The following PHLDB3 variants were observed in gnomAD, a reference collection of about 807,000 sequenced individuals.
PHLDB3 encodes pleckstrin homology-like domain family B member 3.
Under a neutral mutation model 85.7 loss-of-function variants are expected in PHLDB3, and 86 were observed. The ratio of observed to expected loss-of-function variants is 1.00; its 90% CI spans 0.84 to 1.20. The LOEUF is 1.20. PHLDB3 is among the 50% of genes most tolerant of loss of function. PHLDB3 has a pLI of 0.00. For synonymous variants in PHLDB3, 376 were observed against 349.8 expected, an observed-to-expected ratio of 1.07 and a Z score of -0.83; for missense variants, 995 against 873.0, an observed-to-expected ratio of 1.14 and a Z score of -1.76.
intron 15 of PHLDB3, 60 bp from the exon 16 acceptor site, chr19:43,475,604 C>T (rs1016284340): frequency 6.2e-6 from 10 of 1,601,940 alleles, no homozygotes; most frequent in African/African-American, 2.7e-5. Flanking sequence ...AGTCTGGGTG[C>T]GAACCCAGCC....
In PHLDB3 at chr19:43,494,765, G is replaced by A. The variant is rs780745027; in HGVS notation, c.1086C>T (p.Ala362=). ...TAGGGGTGGCAGCGGAGTGGGCCAC[G>A]GCATCCTGGAGCACCAGCAGCTGGC... is the stretch of plus-strand genomic sequence containing the variant. The part of the protein sequence containing the change: ...TDRQLLVLQD[A]VAHSAATPTS... Residue 362 remains alanine, a synonymous_variant, in exon 9 of 16, where the codon GCC becomes GCT. Transcript: ENST00000292140. The A allele has an allele frequency of 9.3e-6, 15 of 1,613,260 alleles. No individual in the cohort carries two copies. The highest frequency in any genetic ancestry group is 4.5e-5 in the East Asian group (2 of 44,892).
intron 9 of PHLDB3, among the ~76,000 whole-genome samples, chr19:43,494,155 C>G (rs1568480903): frequency 1.3e-5 from 2 of 151,984 alleles, no homozygotes; most frequent in Admixed American, 1.3e-4. Context: ...TGCCTCAGCC[C>G]TGCATCACCA....
At chr19:43,493,442 C>G (rs1427984699) in intron 9 of PHLDB3, among the ~76,000 whole-genome samples, 1 of 152,008 alleles carries the variant, frequency 6.6e-6, no homozygotes, top group Non-Finnish European at 1.5e-5. Context: ...TCAAGACCAG[C>G]TTGGGCAAAA....
chr19:43,490,179 T>A (rs1057329194), intron 9 of PHLDB3, among the ~76,000 whole-genome samples: 1 of 151,802 alleles, frequency 6.6e-6, no homozygotes, highest in Non-Finnish European at 1.5e-5. Flanking sequence ...CTGAAATCGA[T>A]CATTGAACTG....
At chr19:43,476,751 G>C (rs1413238263) in intron 15 of PHLDB3, among the ~76,000 whole-genome samples, 1 of 152,098 alleles carries the variant, frequency 6.6e-6, no homozygotes, top group Non-Finnish European at 1.5e-5. Context: ...CAACCTAATT[G>C]CTAAAAAGCC....
chr19:43,502,381 A>G (rs1377202125), intron 2 of PHLDB3, 98 bp from the exon 3 acceptor site: 1 of 1,139,386 alleles, frequency 8.8e-7, no homozygotes, highest in African/African-American at 1.6e-5. Flanking sequence ...TGCGGGTCTC[A>G]GTCCATCAGT....
At chr19:43,500,909 A>ACCCCCCTCCCCCCCCCCCCCCC (rs1971574473) in intron 4 of PHLDB3, among the ~76,000 whole-genome samples, 1 of 17,152 alleles carries the variant, frequency 5.8e-5, no homozygotes, top group Non-Finnish European at 1.3e-4. Context: ...CGCCCCCCGT[A>ACCCCCCTCCCCCCCCCCCCCCC]CCCCCCCCCC....
At chr19:43,475,921 G>C (rs1016644692) in intron 15 of PHLDB3, among the ~76,000 whole-genome samples, 2 of 151,942 alleles carry the variant, frequency 1.3e-5, no homozygotes, top group Non-Finnish European at 2.9e-5. Flanking sequence ...TCAGCCTCCC[G>C]AGTAGCTGGG....
chr19:43,478,719 T>C (rs1970977003), intron 14 of PHLDB3, among the ~76,000 whole-genome samples: 1 of 151,934 alleles, frequency 6.6e-6, no homozygotes, highest in South Asian at 2.1e-4. Flanking sequence ...ATCGAGACCA[T>C]CCTGGCTAAC....
At position 43,493,088 on chromosome 19, in the gene PHLDB3, G is replaced by A. The variant is rs1971357853; in HGVS notation, c.1149+1614C>T. Among the ~76,000 whole-genome samples the A allele has an allele frequency of 2.0e-5, 3 of 152,108 alleles. No homozygotes were observed. In the South Asian group the frequency reaches 6.2e-4, roughly 32 times the overall value. ...GAGGTCAGGAGTTCGAGACCAGCCT[G>A]GCCAACATGGCAAAACCCCATCTCT... On this transcript the variant is annotated intron_variant, in intron 9 of 15. Coordinates refer to ENST00000292140, the MANE Select transcript of PHLDB3 (RefSeq NM_198850.4).
At chr19:43,494,643 C>T (rs1971398700) in intron 9 of PHLDB3, 59 bp downstream of exon 9, 2 of 1,366,872 alleles carry the variant, frequency 1.5e-6, no homozygotes, top group East Asian at 2.5e-5. Context: ...TGCTGTTAGC[C>T]CCTCCCTCCT....
intron 4 of PHLDB3, among the ~76,000 whole-genome samples, chr19:43,500,909 A>ACCCTCCCCCCCCCCCCCCCC (rs1971574142): frequency 1.2e-4 from 2 of 17,152 alleles, no homozygotes; most frequent in Admixed American, 6.1e-4. Flanking sequence ...CGCCCCCCGT[A>ACCCTCCCCCCCCCCCCCCCC]CCCCCCCCCC....
chr19:43,495,448 AG>A, intron 7 of PHLDB3, 46 bp downstream of exon 7: 1 of 1,603,272 alleles, frequency 6.2e-7, no homozygotes. Flanking sequence ...GGGATGCCCC[AG>A]GGGGAAGTGA....
chr19:43,504,393 G>T (rs980132534), intron 1 of PHLDB3, 196 bp downstream of exon 1: 1 of 539,406 alleles, frequency 1.9e-6, no homozygotes. Flanking sequence ...CTTCGACCCC[G>T]CCTCCCCTCC....
At chr19:43,477,723 G>C (rs1219287353) in intron 15 of PHLDB3, among the ~76,000 whole-genome samples, 1 of 151,196 alleles carries the variant, frequency 6.6e-6, no homozygotes, top group Non-Finnish European at 1.5e-5. Context: ...CAGGAGAATT[G>C]CTTGAACCAG....
rs1025134738 is a variant in PHLDB3, at chr19:43,479,548, G to T, written c.1531C>A (p.Leu511Ile). 4.2e-6 allele frequency: 5 copies of T among 1,190,480 alleles called. No homozygotes were observed. In the African/African-American group the frequency reaches 8.2e-5, roughly 20 times the overall value. The allele number at this position is 1,190,480 out of a possible 1,614,324, so 73.7% of individuals were successfully genotyped here. Residue 511 changes from leucine to isoleucine, a missense_variant, in exon 14 of 16, where the codon CTC (leucine) becomes ATC (isoleucine). Leu to Ile is a conservative substitution (Grantham distance 5). Coordinates refer to ENST00000292140, the MANE Select transcript of PHLDB3 (RefSeq NM_198850.4). The part of the protein sequence containing the change: ...PHPPGPRILD[L>I]RQHLEGWGHN... ...CCCCATCCCTCCAGATGCTGCCGGAGATCCAAGATTCGCGGGCCTGGAGGG... is the reference window on the plus strand; with the variant it reads ...CCCCATCCCTCCAGATGCTGCCGGATATCCAAGATTCGCGGGCCTGGAGGG...
At chr19:43,487,499 C>T (rs1971199414) in intron 9 of PHLDB3, among the ~76,000 whole-genome samples, 1 of 139,304 alleles carries the variant, frequency 7.2e-6, no homozygotes, top group Admixed American at 8.0e-5. Context: ...CGCTTGAACC[C>T]GGGAGGTGGA....
intron 9 of PHLDB3, among the ~76,000 whole-genome samples, chr19:43,488,622 G>A (rs1246959338): frequency 6.6e-6 from 1 of 152,046 alleles, no homozygotes; most frequent in Non-Finnish European, 1.5e-5. Flanking sequence ...CATAAACCAT[G>A]GAGCCCCAAT....
At chr19:43,475,613 C>A in intron 15 of PHLDB3, 69 bp from the exon 16 acceptor site, 1 of 1,586,524 alleles carries the variant, frequency 6.3e-7, no homozygotes, top group South Asian at 1.1e-5. Context: ...GCGAACCCAG[C>A]CTTGCTACTT....
Sources: allele counts gnomAD v4.1 joint callset (sites outside exome capture counted in the v4.1 genomes callset), GRCh38; gene constraint gnomAD v4.1.1; transcripts MANE v1.5; gene names NCBI Gene and HGNC (gene_info 2026-07-23, HGNC 2026-07-21).